WDPCP: variants seen among roughly 807,000 people sequenced by gnomAD.
WDPCP encodes WD repeat containing planar cell polarity effector.
A neutral mutation model predicts 93.1 loss-of-function variants in WDPCP; 71 were observed. The observed-to-expected ratio is 0.76, with a 90% CI of 0.63 to 0.93. WDPCP has a LOEUF of 0.93. WDPCP is among the 40% of genes least tolerant of loss of function. The pLI is 0.00. For synonymous variants in WDPCP, 315 were observed against 315.0 expected (o/e 1.00, Z 0.00); for missense variants, 844 against 887.4 (o/e 0.95, Z 0.62).
intron 12 of WDPCP, among the ~76,000 whole-genome samples, chr2:63,360,339 G>C (rs1330962285): frequency 6.6e-6 from 1 of 152,202 alleles, no homozygotes; most frequent in East Asian, 1.9e-4. Flanking sequence ...GTCTCAACTA[G>C]TACATATTTC....
intron 1 of WDPCP, among the ~76,000 whole-genome samples, chr2:63,516,847 A>ATTC (rs1702587424): frequency 1.3e-5 from 2 of 152,106 alleles, no homozygotes; most frequent in African/African-American, 4.8e-5. Flanking sequence ...CCCACTCTTA[A>ATTC]CACAAACTCT....
intron 6 of WDPCP, among the ~76,000 whole-genome samples, chr2:63,449,558 A>G (rs1215028961): frequency 1.3e-5 from 2 of 152,172 alleles, no homozygotes; most frequent in African/African-American, 4.8e-5. Flanking sequence ...TGGTAATGCC[A>G]GGAAAGAGTA....
intron 2 of WDPCP, among the ~76,000 whole-genome samples, chr2:63,727,616 G>C (rs1669509891): frequency 6.6e-6 from 1 of 152,190 alleles, no homozygotes; most frequent in Non-Finnish European, 1.5e-5. Context: ...AATAGTTTCA[G>C]TGGTATTTGT....
intron 6 of WDPCP, among the ~76,000 whole-genome samples, chr2:63,456,360 T>C (rs1159949705): frequency 1.3e-5 from 2 of 152,084 alleles, no homozygotes; most frequent in Non-Finnish European, 2.9e-5. Context: ...GTGGTTGCAG[T>C]GAGCCAAGAT....
chr2:63,624,034 T>G (rs1022478747), intron 3 of WDPCP, among the ~76,000 whole-genome samples: 3 of 152,248 alleles, frequency 2.0e-5, no homozygotes, highest in African/African-American at 7.2e-5. Context: ...AGAAACTCAC[T>G]CAAAACTGCA....
intron 1 of WDPCP, among the ~76,000 whole-genome samples, chr2:63,543,571 A>T (rs992207812): frequency 6.6e-6 from 1 of 151,320 alleles, no homozygotes; most frequent in African/African-American, 2.4e-5. Context: ...TATCCATATA[A>T]TTTTTTTTTA....
chr2:63,449,997 G>A (rs1698124362), intron 6 of WDPCP, among the ~76,000 whole-genome samples: 1 of 152,194 alleles, frequency 6.6e-6, no homozygotes, highest in Non-Finnish European at 1.5e-5. Flanking sequence ...GGGGAAAGAA[G>A]AGTGCAGTGC....
intron 1 of WDPCP, among the ~76,000 whole-genome samples, chr2:63,562,954 T>C (rs952038497): frequency 3.9e-5 from 6 of 152,156 alleles, no homozygotes; most frequent in Admixed American, 2.6e-4. Flanking sequence ...AAAATAGAGA[T>C]GTGGACACTA....
chr2:63,338,616 A>C (rs1306764318), intron 12 of WDPCP, among the ~76,000 whole-genome samples: 1 of 130,316 alleles, frequency 7.7e-6, no homozygotes, highest in East Asian at 2.1e-4. Flanking sequence ...ATATATATAT[A>C]TGGATAATTA....
intron 17 of WDPCP, among the ~76,000 whole-genome samples, chr2:63,141,156 G>A (rs1671030792): frequency 6.6e-6 from 1 of 151,640 alleles, no homozygotes; most frequent in African/African-American, 2.4e-5. Context: ...CTTGGCTCCT[G>A]CAACCTCCGC....
At chr2:63,595,748 T>A (rs1178247114) in intron 3 of WDPCP, among the ~76,000 whole-genome samples, 1 of 152,184 alleles carries the variant, frequency 6.6e-6, no homozygotes, top group Non-Finnish European at 1.5e-5. Flanking sequence ...CCAATGTGTG[T>A]GTGTATATAA....
chr2:63,589,171 C>T, upstream of WDPCP: 1 of 1,610,244 alleles, frequency 6.2e-7, no homozygotes. Context: ...CTTTGGCAAG[C>T]TCGGACTCAT....
intron 3 of WDPCP, among the ~76,000 whole-genome samples, chr2:63,627,926 G>A (rs1483254867): frequency 6.6e-6 from 1 of 152,192 alleles, no homozygotes; most frequent in Admixed American, 6.5e-5. Context: ...CAAAAACGCA[G>A]AGGGCCCACT....
intron 1 of WDPCP, among the ~76,000 whole-genome samples, chr2:63,563,358 A>C (rs1706775476): frequency 6.6e-6 from 1 of 151,944 alleles, no homozygotes; most frequent in African/African-American, 2.4e-5. Context: ...TAATGGAATA[A>C]CCACTGTAGT....
intron 2 of WDPCP, among the ~76,000 whole-genome samples, chr2:63,767,056 T>A (rs2103933628): frequency 6.6e-6 from 1 of 152,210 alleles, no homozygotes; most frequent in South Asian, 2.1e-4. Context: ...TCACTATAGA[T>A]TAGTTTTTGT....
chr2:63,477,956 A>G (rs1259700502), intron 6 of WDPCP: 1 of 152,128 alleles, frequency 6.6e-6, no homozygotes, highest in African/African-American at 2.4e-5. Context: ...GCTCCCTGGG[A>G]AGAGACCACA....
chr2:63,696,642 G>A (rs1246914673), intron 2 of WDPCP, among the ~76,000 whole-genome samples: 1 of 152,208 alleles, frequency 6.6e-6, no homozygotes, highest in Non-Finnish European at 1.5e-5. Flanking sequence ...CCTTGGAGCA[G>A]AGCCCACGTG....
intron 1 of WDPCP, among the ~76,000 whole-genome samples, chr2:63,515,228 A>G (rs934432714): frequency 2.6e-5 from 4 of 152,186 alleles, no homozygotes; most frequent in Admixed American, 6.5e-5. Context: ...AGCTTAATAC[A>G]TATGAGTGTG....
intron 6 of WDPCP, chr2:63,442,927 C>G (rs1055303079): frequency 2.0e-5 from 3 of 151,932 alleles, no homozygotes; most frequent in African/African-American, 7.3e-5. Flanking sequence ...GAACTTATGC[C>G]GGAAAAGATT....
Sources: allele counts gnomAD v4.1 joint callset (sites outside exome capture counted in the v4.1 genomes callset), GRCh38; gene constraint gnomAD v4.1.1; transcripts MANE v1.5; gene names NCBI Gene and HGNC (gene_info 2026-07-23, HGNC 2026-07-21).